ZFAT: variants seen among roughly 807,000 people sequenced by gnomAD.
ZFAT encodes the protein zinc finger protein ZFAT.
A neutral mutation model predicts 117.7 loss-of-function variants in ZFAT; 64 were observed. The ratio of observed to expected loss-of-function variants is 0.54; its 90% CI spans 0.44 to 0.67. ZFAT has a LOEUF of 0.67. Ranked by LOEUF, ZFAT falls within the 30% of genes least tolerant of loss-of-function variation. The pLI, the probability that ZFAT is intolerant of heterozygous loss-of-function variation, is 0.00. For synonymous variants in ZFAT, 679 were observed against 615.0 expected (o/e 1.10, Z -1.54); for missense variants, 1,433 against 1,584.5 (o/e 0.90, Z 1.62).
chr8:134,662,092 G>A (rs1831961530), intron 1 of ZFAT, among the ~76,000 whole-genome samples: 1 of 152,174 alleles, frequency 6.6e-6, no homozygotes, highest in African/African-American at 2.4e-5. Flanking sequence ...AGAGGCATTG[G>A]CAGAATCAAT....
intron 1 of ZFAT, among the ~76,000 whole-genome samples, chr8:134,694,013 T>C (rs1833707081): frequency 6.6e-6 from 1 of 152,132 alleles, no homozygotes; most frequent in South Asian, 2.1e-4. Flanking sequence ...CAGGAAGCAT[T>C]ACACACAGCC....
chr8:134,670,520 T>C (rs1832506561), intron 1 of ZFAT, among the ~76,000 whole-genome samples: 2 of 152,204 alleles, frequency 1.3e-5, no homozygotes, highest in African/African-American at 4.8e-5. Flanking sequence ...CATAACTAAA[T>C]GAAAGCAGAA....
chr8:134,565,190 C>G (rs1404631591), intron 11 of ZFAT, 143 bp downstream of exon 11: 1 of 1,537,596 alleles, frequency 6.5e-7, no homozygotes, highest in Admixed American at 2.0e-5. Context: ...CACTATGCCT[C>G]AGACTCCACG....
At chr8:134,629,959 G>A (rs1236229923) in intron 3 of ZFAT, among the ~76,000 whole-genome samples, 1 of 152,122 alleles carries the variant, frequency 6.6e-6, no homozygotes, top group Non-Finnish European at 1.5e-5. Flanking sequence ...TCAAGATGGT[G>A]GCTGCTCACT....
intron 3 of ZFAT, among the ~76,000 whole-genome samples, chr8:134,624,894 T>C (rs189582368): frequency 5.3e-4 from 80 of 150,884 alleles, no homozygotes; most frequent in Admixed American, 1.2e-3. Flanking sequence ...ACTAATATTC[T>C]AAAGTACCTA....
At chr8:134,671,373 A>T (rs1754489810) in intron 1 of ZFAT, among the ~76,000 whole-genome samples, 1 of 152,226 alleles carries the variant, frequency 6.6e-6, no homozygotes, top group South Asian at 2.1e-4. Context: ...TGGCAAACCG[A>T]ATCCGGCAGC....
At chr8:134,610,972 T>C (rs760708214) in intron 3 of ZFAT, among the ~76,000 whole-genome samples, 5 of 152,232 alleles carry the variant, frequency 3.3e-5, no homozygotes, top group Non-Finnish European at 7.3e-5. Flanking sequence ...TAAACAACAC[T>C]GCACAGAAGA....
intron 1 of ZFAT, chr8:134,674,779 G>A (rs544783041): frequency 9.1e-5 from 27 of 298,184 alleles, no homozygotes; most frequent in African/African-American, 5.2e-4. Context: ...CCTCTGGGAC[G>A]AAGCTTCCAG....
intron 3 of ZFAT, among the ~76,000 whole-genome samples, chr8:134,618,861 G>A (rs1302348914): frequency 6.6e-6 from 1 of 152,154 alleles, no homozygotes; most frequent in Non-Finnish European, 1.5e-5. Flanking sequence ...TCTAGCATTT[G>A]TAATACCTTA....
chr8:134,590,794 T>G lies in ZFAT; in HGVS notation c.2476-439A>C, dbSNP rs141331001. The stretch of plus-strand genomic sequence containing the variant: ...ACCACCACAACCAGCACTGCCACCA[T>G]CACCACCACCACCACCACCATCAAC... On this transcript the variant is annotated intron_variant, in intron 7 of 15. Coordinates refer to ENST00000377838, the MANE Select transcript of ZFAT (RefSeq NM_020863.4). Among the ~76,000 whole-genome samples, 1,241 of 148,932 alleles carry G rather than the reference T, an allele frequency of 8.3e-3. 16 individuals carry two copies. Among genetic ancestry groups the G allele is most frequent in the African/African-American group, 0.029 (1,179 of 40,332 alleles).
At chr8:134,747,674 A>G in the ZFAT span, among the ~76,000 whole-genome samples, 1 of 152,224 alleles carries the variant, frequency 6.6e-6, no homozygotes, top group Non-Finnish European at 1.5e-5. Flanking sequence ...TAGGTAAATC[A>G]TGGCCTTCAG....
the ZFAT span, among the ~76,000 whole-genome samples, chr8:134,777,381 G>T: frequency 6.6e-6 from 1 of 152,146 alleles, no homozygotes; most frequent in Non-Finnish European, 1.5e-5. Context: ...TGTTAATAAG[G>T]TTTCTTACTG....
chr8:134,748,524 C>T, the ZFAT span, among the ~76,000 whole-genome samples: 9 of 152,166 alleles, frequency 5.9e-5, no homozygotes, highest in East Asian at 1.9e-4. Context: ...TTCTGGTTTT[C>T]GGTAATTACA....
chr8:134,605,238 C>T (rs930297528), intron 5 of ZFAT, among the ~76,000 whole-genome samples: 7 of 152,226 alleles, frequency 4.6e-5, no homozygotes, highest in African/African-American at 1.4e-4. Context: ...GAGAGGTACT[C>T]TCACCACTGC....
chr8:134,556,932 CT>C (rs1563845056), intron 11 of ZFAT, among the ~76,000 whole-genome samples: 1 of 151,542 alleles, frequency 6.6e-6, no homozygotes, highest in South Asian at 2.1e-4. Context: ...TAATTAAATG[CT>C]TTTTTAATTT....
chr8:134,714,834 AC>A (rs1349193283), upstream of ZFAT, among the ~76,000 whole-genome samples: 1 of 151,878 alleles, frequency 6.6e-6, no homozygotes, highest in Non-Finnish European at 1.5e-5. Context: ...TCTAAAATGT[AC>A]CCAAACTGCC....
At position 134,535,650 on chromosome 8, in the gene ZFAT, C is replaced by CCTG. The variant is rs1563820051; in HGVS notation, c.2977-2681_2977-2679dup. Among the ~76,000 whole-genome samples, 8 of 151,976 alleles carry CCTG rather than the reference C, an allele frequency of 5.3e-5. 1 individual carries two copies. In the South Asian group the frequency reaches 1.7e-3, roughly 32 times the overall value. On this transcript the variant is annotated intron_variant, in intron 11 of 15. Transcript: ENST00000377838. Reference sequence around the variant, plus strand: ...ATGTGCTGTGTTTCTACATTAAGTCCCTGGGTAAGGAATCCTTGGAGTTTG... The same window carrying CCTG: ...ATGTGCTGTGTTTCTACATTAAGTCCCTGCTGGGTAAGGAATCCTTGGAGTTTG...
rs1305913340 is a variant in ZFAT at position 134,532,880 on chromosome 8, G to A, written c.3069C>T (p.Ala1023=). The A allele has an allele frequency of 1.2e-6, 2 of 1,609,884 alleles. No homozygotes were observed. Among genetic ancestry groups the A allele is most frequent in the Non-Finnish European group, 1.7e-6 (2 of 1,178,186 alleles). Residue 1023 remains alanine (A), a synonymous_variant, in exon 12 of 16, where the codon GCC becomes GCT. Coordinates refer to ENST00000377838, the MANE Select transcript of ZFAT (RefSeq NM_020863.4). The part of the protein sequence containing the change: ...YNRKHPNEEY[A]NVGTGELAAE... ...CTGCCAGCTCCCCGGTGCCCACGTT[G>A]GCATACTCCTCATTAGGGTGCTTCC...
chr8:134,803,101 T>C, the ZFAT span, among the ~76,000 whole-genome samples: 3 of 152,182 alleles, frequency 2.0e-5, no homozygotes, highest in East Asian at 1.9e-4. Context: ...CATTAATCTG[T>C]AGCATCTAGG....
Sources: allele counts gnomAD v4.1 joint callset (sites outside exome capture counted in the v4.1 genomes callset), GRCh38; gene constraint gnomAD v4.1.1; transcripts MANE v1.5; gene names NCBI Gene and HGNC (gene_info 2026-07-23, HGNC 2026-07-21).